DNAH12: variants seen among roughly 807,000 people sequenced by gnomAD.
DNAH12 encodes the protein axonemal beta dynein heavy chain 12.
A neutral mutation model predicts 371.5 loss-of-function variants in DNAH12; 285 were observed. The observed-to-expected ratio is 0.77, with a 90% confidence interval of 0.70 to 0.85. DNAH12 has a LOEUF of 0.85. DNAH12 is among the 40% of genes least tolerant of loss of function. DNAH12 has a pLI of 0.00. For missense variants in DNAH12, 3,611 were observed against 3,689.4 expected, an observed-to-expected ratio of 0.98 and a Z score of 0.55; for synonymous variants, 1,200 against 1,213.0, an observed-to-expected ratio of 0.99 and a Z score of 0.22.
intron 24 of DNAH12, 32 bp downstream of exon 24, chr3:57,453,215 T>C (rs2065807425): frequency 6.6e-7 from 1 of 1,512,554 alleles, no homozygotes; most frequent in African/African-American, 1.4e-5. Context: ...ATCAACATTT[T>C]ATCTTTAAAA....
At chr3:57,530,766 G>C (rs1160462602) in intron 2 of DNAH12, 1 of 225,614 alleles carries the variant, frequency 4.4e-6, no homozygotes, top group African/African-American at 2.3e-5. Context: ...ACATCACTTG[G>C]AGCCCCAGGA....
At chr3:57,358,016 T>G (rs1311849818) in intron 58 of DNAH12, among the ~76,000 whole-genome samples, 1 of 152,332 alleles carries the variant, frequency 6.6e-6, no homozygotes, top group South Asian at 2.1e-4. Context: ...AGGTTGATAT[T>G]CTATAGAAAA....
intron 39 of DNAH12, among the ~76,000 whole-genome samples, chr3:57,408,991 T>C (rs1553682233): frequency 6.6e-6 from 1 of 152,222 alleles, no homozygotes; most frequent in East Asian, 1.9e-4. Context: ...TGTCACAGTT[T>C]GAACACTAAG....
chr3:57,480,623 G>T (rs2066705849), intron 13 of DNAH12, among the ~76,000 whole-genome samples: 1 of 151,728 alleles, frequency 6.6e-6, no homozygotes, highest in Non-Finnish European at 1.5e-5. Context: ...AACAAAAGAA[G>T]AATTTTAGAC....
At chr3:57,480,340 C>T (rs1388749535) in intron 13 of DNAH12, among the ~76,000 whole-genome samples, 1 of 151,916 alleles carries the variant, frequency 6.6e-6, no homozygotes, top group Non-Finnish European at 1.5e-5. Context: ...ATAAATTCCT[C>T]GACACATACA....
chr3:57,316,811 T>A (rs985419199), intron 65 of DNAH12, among the ~76,000 whole-genome samples: 1 of 152,202 alleles, frequency 6.6e-6, no homozygotes, highest in African/African-American at 2.4e-5. Context: ...AGGTGCTTGC[T>A]TCCCCCTCAC....
intron 65 of DNAH12, among the ~76,000 whole-genome samples, chr3:57,320,258 T>C (rs1176061840): frequency 6.6e-6 from 1 of 152,216 alleles, no homozygotes; most frequent in Non-Finnish European, 1.5e-5. Flanking sequence ...TTACATGTTT[T>C]TATATATGTT....
rs1254367380 is a variant in DNAH12 at position 57,454,827 on chromosome 3, G to C, written c.3404C>G (p.Ser1135Cys). 18 of 1,551,226 alleles carry C rather than the reference G, an allele frequency of 1.2e-5. No homozygotes were observed. Among genetic ancestry groups the C allele is most frequent in the Non-Finnish European group, 1.6e-5 (18 of 1,146,788 alleles). ...EWPGQVVLCISQMFWTSETQE... is the reference protein window; with the variant it reads ...EWPGQVVLCICQMFWTSETQE... ...TGTCTCAGATGTCCAGAACATTTGAGAAATACAAAGTACAACTTGGCCAGG... is the reference window on the plus strand; with the variant it reads ...TGTCTCAGATGTCCAGAACATTTGACAAATACAAAGTACAACTTGGCCAGG... Residue 1135 changes from serine (S) to cysteine (C), a missense_variant, in exon 23 of 74, where the codon TCT (serine) becomes TGT (cysteine). Around this residue, in one of 3 missense-constraint regions of DNAH12, gnomAD observed 1,314 missense variants for 1,398.7 expected, o/e 0.94. Coordinates refer to ENST00000495027, the MANE Select transcript of DNAH12 (RefSeq NM_001366028.2).
chr3:57,473,106 C>T (rs2066413926), intron 13 of DNAH12, among the ~76,000 whole-genome samples: 1 of 151,992 alleles, frequency 6.6e-6, no homozygotes, highest in African/African-American at 2.4e-5. Context: ...TGTATCTTCA[C>T]TGACATCACC....
chr3:57,362,908 G>A (rs930915795), intron 58 of DNAH12, among the ~76,000 whole-genome samples: 12 of 152,040 alleles, frequency 7.9e-5, no homozygotes, highest in Admixed American at 2.0e-4. Flanking sequence ...TTTTGTTGCC[G>A]TTGCTTTTGG....
chr3:57,401,696 A>G (rs1553678730), intron 43 of DNAH12, among the ~76,000 whole-genome samples: 1 of 152,052 alleles, frequency 6.6e-6, no homozygotes, highest in Non-Finnish European at 1.5e-5. Context: ...GGAAGGAAAT[A>G]ATAAAGATTA....
rs531339542 is a variant in DNAH12 at position 57,478,494 on chromosome 3, C to T, written c.1650+4882G>A. Among the ~76,000 whole-genome samples, 41 of 152,222 alleles carry T rather than the reference C, an allele frequency of 2.7e-4. No individual in the cohort carries two copies. In the East Asian group the frequency reaches 7.7e-3, roughly 29 times the overall value. On this transcript the variant is annotated intron_variant, in intron 13 of 73. Coordinates refer to ENST00000495027, the MANE Select transcript of DNAH12 (RefSeq NM_001366028.2). ...GGGAGAATGGAACCAAGTTGGAAAA[C>T]ACTCTGCAGGATATTATCCAGGAGA...
intron 62 of DNAH12, among the ~76,000 whole-genome samples, chr3:57,328,644 C>G (rs2062009543): frequency 6.8e-6 from 1 of 147,724 alleles, no homozygotes; most frequent in Admixed American, 6.8e-5. Flanking sequence ...CCTTTGAAAA[C>G]TGGCACAAGA....
At chr3:57,446,307 A>T in intron 26 of DNAH12, 37 bp from the exon 27 acceptor site, 2 of 1,533,526 alleles carry the variant, frequency 1.3e-6, no homozygotes, top group Non-Finnish European at 1.8e-6. Flanking sequence ...TTTTTTTCTC[A>T]GGAAAGGATA....
At chr3:57,344,483 T>C (rs1553657424) in intron 60 of DNAH12, among the ~76,000 whole-genome samples, 1 of 152,178 alleles carries the variant, frequency 6.6e-6, no homozygotes, top group Non-Finnish European at 1.5e-5. Context: ...AAGAGATGTC[T>C]GCACCCTGAT....
At chr3:57,468,053 A>G (rs561179074) in intron 17 of DNAH12, among the ~76,000 whole-genome samples, 1 of 152,180 alleles carries the variant, frequency 6.6e-6, no homozygotes, top group Non-Finnish European at 1.5e-5. Flanking sequence ...ACATTAAAAA[A>G]TTTTAGCATT....
chr3:57,396,211 G>A (rs2063732619), intron 43 of DNAH12, among the ~76,000 whole-genome samples: 1 of 143,332 alleles, frequency 7.0e-6, no homozygotes, highest in Non-Finnish European at 1.5e-5. Context: ...CTGGGAGGCA[G>A]AGGTTGCAGT....
chr3:57,368,600 C>G (rs1022328331), intron 55 of DNAH12, among the ~76,000 whole-genome samples: 1 of 152,128 alleles, frequency 6.6e-6, no homozygotes, highest in South Asian at 2.1e-4. Flanking sequence ...CTTTAATACA[C>G]GACATCTGTT....
Position 57,454,873 on chromosome 3 carries a change from T to G in DNAH12, c.3358A>C (p.Arg1120=). 6.4e-7 allele frequency: 1 copy of G among 1,551,058 alleles called. No individual in the cohort carries two copies. The highest frequency in any genetic ancestry group is 8.7e-7 in the Non-Finnish European group (1 of 1,146,702). Residue 1120 remains arginine, a synonymous_variant, in exon 23 of 74, where the codon AGA becomes CGA. Coordinates refer to ENST00000495027, the MANE Select transcript of DNAH12 (RefSeq NM_001366028.2). Reference sequence around the variant, plus strand: ...CCAGGCCACTCTCGAACCCAGTCTCTTCTTGCAGATTCTGGATAAGCCTGA... The same window carrying G: ...CCAGGCCACTCTCGAACCCAGTCTCGTCTTGCAGATTCTGGATAAGCCTGA... ...ARLAYPESAR[R]DWVREWPGQV...
Sources: gnomAD v4.1 joint callset for allele counts (sites outside exome capture counted in the v4.1 genomes callset) on GRCh38, gnomAD v4.1.1 for gene constraint, gnomAD v4.1.1 regional missense constraint, MANE v1.5 for transcripts, NCBI Gene and HGNC (gene_info 2026-07-23, HGNC 2026-07-21) for gene names.